Variants in GPATCH2 observed in about 807,000 individuals in gnomAD.
GPATCH2 encodes G-patch domain containing 2.
Under a neutral mutation model 58.0 loss-of-function variants are expected in GPATCH2, and 51 were observed. That is an observed-to-expected ratio of 0.88 (90% CI 0.70 to 1.11). GPATCH2 has a LOEUF of 1.11. GPATCH2 is among the 50% of genes most tolerant of loss of function. The pLI, the probability that GPATCH2 is intolerant of heterozygous loss-of-function variation, is 0.00. For missense variants in GPATCH2, 625 were observed against 652.2 expected (o/e 0.96, Z 0.45); for synonymous variants, 222 against 218.5 (o/e 1.02, Z -0.14).
chr1:217,454,588 C>CAAAAAAA (rs34571192), intron 8 of GPATCH2, among the ~76,000 whole-genome samples: 1 of 59,614 alleles, frequency 1.7e-5, no homozygotes, highest in Admixed American at 2.6e-4. Flanking sequence ...GACTCTGTCT[C>CAAAAAAA]AAAAAAAAAA....
intron 9 of GPATCH2, among the ~76,000 whole-genome samples, chr1:217,431,847 C>T (rs1014483048): frequency 1.3e-5 from 2 of 152,110 alleles, no homozygotes; most frequent in African/African-American, 4.8e-5. Context: ...AAAACTAAAA[C>T]CAAACCAAAC....
Position 217,630,991 on chromosome 1 carries a change from G to T in GPATCH2, c.-20C>A. On this transcript the variant is annotated 5_prime_UTR_variant, in exon 1 of 10. Coordinates refer to ENST00000366935, the MANE Select transcript of GPATCH2 (RefSeq NM_018040.5). ...GAACATTAACGACACCCGGGAGCCT[G>T]GCCTCGAAGCTCAGGCCCGTGAACA... 6.3e-7 allele frequency: 1 copy of T among 1,578,998 alleles called. No homozygotes were observed. The highest frequency in any genetic ancestry group is 1.3e-5 in the African/African-American group (1 of 74,392).
chr1:217,615,873 A>AT (rs917209626), intron 2 of GPATCH2, among the ~76,000 whole-genome samples: 3 of 152,014 alleles, frequency 2.0e-5, no homozygotes, highest in Non-Finnish European at 4.4e-5. Flanking sequence ...TTGATGTGCT[A>AT]TTTTTTCTAG....
intron 5 of GPATCH2, among the ~76,000 whole-genome samples, chr1:217,584,325 T>A (rs1667220272): frequency 1.1e-5 from 1 of 88,566 alleles, no homozygotes; most frequent in Non-Finnish European, 2.3e-5. Flanking sequence ...AAACCTCACC[T>A]CTACTAAAAA....
chr1:217,618,857 G>A (rs905377586), intron 2 of GPATCH2, among the ~76,000 whole-genome samples: 8 of 151,830 alleles, frequency 5.3e-5, no homozygotes, highest in East Asian at 3.9e-4. Context: ...CAGCTACTCC[G>A]GAGGCTGAGG....
chr1:217,610,547 A>T, intron 4 of GPATCH2, 147 bp from the exon 5 acceptor site: 1 of 613,232 alleles, frequency 1.6e-6, no homozygotes, highest in East Asian at 2.8e-5. Flanking sequence ...CAAAACTCAC[A>T]CTTAAAAAAA....
intron 4 of GPATCH2, 50 bp from the exon 5 acceptor site, chr1:217,610,450 A>G (rs1360850014): frequency 9.8e-7 from 1 of 1,015,794 alleles, no homozygotes; most frequent in African/African-American, 1.6e-5. Context: ...TCACTGAAGC[A>G]TAGAAGAAGA....
chr1:217,441,662 C>A (rs952411263), intron 9 of GPATCH2, among the ~76,000 whole-genome samples: 1 of 152,088 alleles, frequency 6.6e-6, no homozygotes, highest in South Asian at 2.1e-4. Flanking sequence ...AGTCAAACAA[C>A]CCCATCAAAA....
intron 8 of GPATCH2, among the ~76,000 whole-genome samples, chr1:217,474,560 C>T (rs1326702837): frequency 6.6e-6 from 1 of 152,176 alleles, no homozygotes; most frequent in African/African-American, 2.4e-5. Context: ...GAAAACTCCC[C>T]TGAGGAGTTG....
chr1:217,432,743 T>C (rs1658602876), intron 9 of GPATCH2, among the ~76,000 whole-genome samples: 1 of 151,942 alleles, frequency 6.6e-6, no homozygotes, highest in African/African-American at 2.4e-5. Context: ...ATTGCAGTCT[T>C]TGAGAAAAAA....
chr1:217,471,444 T>A (rs1660718195), intron 8 of GPATCH2, among the ~76,000 whole-genome samples: 1 of 152,192 alleles, frequency 6.6e-6, no homozygotes, highest in South Asian at 2.1e-4. Flanking sequence ...TGTTGCAAAT[T>A]ATGTCTCCTT....
At chr1:217,618,739 C>T (rs377010954) in intron 2 of GPATCH2, among the ~76,000 whole-genome samples, 74 of 152,146 alleles carry the variant, frequency 4.9e-4, no homozygotes, top group African/African-American at 1.7e-3. Flanking sequence ...GTGGGTGGAT[C>T]ACTTGAGGTC....
intron 6 of GPATCH2, among the ~76,000 whole-genome samples, chr1:217,504,838 A>G (rs907179335): frequency 6.6e-6 from 1 of 152,210 alleles, no homozygotes; most frequent in Non-Finnish European, 1.5e-5. Flanking sequence ...AGAATCCAGC[A>G]TAATACATGG....
chr1:217,539,744 A>G (rs1271801963), intron 5 of GPATCH2, among the ~76,000 whole-genome samples: 6 of 152,202 alleles, frequency 3.9e-5, no homozygotes, highest in African/African-American at 1.2e-4. Flanking sequence ...GGCAATAAAA[A>G]TCTTAACGAT....
chr1:217,604,325 T>TG (rs1668256117), intron 5 of GPATCH2, among the ~76,000 whole-genome samples: 1 of 149,140 alleles, frequency 6.7e-6, no homozygotes, highest in Non-Finnish European at 1.5e-5. Flanking sequence ...CACTCCAACC[T>TG]GGGTGACAGA....
chr1:217,443,991 G>A (rs945638592), intron 9 of GPATCH2, among the ~76,000 whole-genome samples: 1 of 151,930 alleles, frequency 6.6e-6, no homozygotes, highest in Non-Finnish European at 1.5e-5. Flanking sequence ...TTTATTTGTG[G>A]TGCTTCTCTG....
intron 5 of GPATCH2, among the ~76,000 whole-genome samples, chr1:217,524,293 T>C (rs1466471006): frequency 2.1e-5 from 3 of 145,826 alleles, no homozygotes; most frequent in Admixed American, 6.7e-5. Context: ...CCTCACTTCC[T>C]AGATGGGATG....
chr1:217,609,207 T>C (rs1317252915), intron 5 of GPATCH2: 4 of 983,708 alleles, frequency 4.1e-6, no homozygotes, highest in Non-Finnish European at 4.8e-6. Flanking sequence ...CATTACATTT[T>C]CCCCCCAGTT....
intron 5 of GPATCH2, among the ~76,000 whole-genome samples, chr1:217,560,601 G>A (rs966429498): frequency 3.3e-5 from 5 of 152,060 alleles, no homozygotes; most frequent in African/African-American, 1.2e-4. Flanking sequence ...TCAAACATTC[G>A]GAATATAATG....
Sources: gnomAD v4.1 joint callset for allele counts (sites outside exome capture counted in the v4.1 genomes callset) on GRCh38, gnomAD v4.1.1 for gene constraint, MANE v1.5 for transcripts, NCBI Gene and HGNC (gene_info 2026-07-23, HGNC 2026-07-21) for gene names.